Variants in LARGE1 observed in about 807,000 individuals in gnomAD.
LARGE1 encodes LARGE xylosyl- and glucuronyltransferase 1, also known as xylosyl- and glucuronyltransferase LARGE1.
A neutral mutation model predicts 87.6 loss-of-function variants in LARGE1; 43 were observed. The ratio of observed to expected loss-of-function variants is 0.49; its 90% CI spans 0.38 to 0.63. The LOEUF (loss-of-function observed/expected upper bound fraction) is 0.63, where lower values mean the gene tolerates loss of function less well. LARGE1 is among the 30% of genes least tolerant of loss of function. The probability of loss-of-function intolerance (pLI) is 0.00; values close to 1 mark genes in which losing one functional copy is unlikely to be tolerated. For synonymous variants in LARGE1, 434 were observed against 394.6 expected (o/e 1.10, Z -1.18); for missense variants, 802 against 1,000.2 (o/e 0.80, Z 2.67).
intron 6 of LARGE1, among the ~76,000 whole-genome samples, chr22:33,494,288 T>G (rs776647631): frequency 1.3e-5 from 2 of 152,160 alleles, no homozygotes; most frequent in African/African-American, 2.4e-5. Flanking sequence ...TCAGTTTCCC[T>G]ACCCATAAAA....
the LARGE1 span, among the ~76,000 whole-genome samples, chr22:33,073,212 T>C: frequency 2.0e-5 from 3 of 152,236 alleles, no homozygotes; most frequent in Non-Finnish European, 4.4e-5. Context: ...TCCTAAAGTT[T>C]AAATAAACTT....
At chr22:33,503,494 A>G (rs764939133) in intron 6 of LARGE1, among the ~76,000 whole-genome samples, 5 of 152,100 alleles carry the variant, frequency 3.3e-5, no homozygotes, top group Non-Finnish European at 7.4e-5. Flanking sequence ...ATGAAAACAC[A>G]CATCCATGCA....
chr22:33,620,948 T>C (rs1377549120), intron 4 of LARGE1, among the ~76,000 whole-genome samples: 3 of 152,126 alleles, frequency 2.0e-5, no homozygotes, highest in Non-Finnish European at 4.4e-5. Flanking sequence ...AGATTACCTT[T>C]ATTTCTACCA....
At chr22:33,884,869 T>A (rs2068503033) in intron 1 of LARGE1, among the ~76,000 whole-genome samples, 1 of 152,200 alleles carries the variant, frequency 6.6e-6, no homozygotes, top group Admixed American at 6.5e-5. Context: ...TCTGAGATGC[T>A]GCCAAGCACA....
intron 1 of LARGE1, among the ~76,000 whole-genome samples, chr22:33,850,317 T>C (rs2063551107): frequency 6.6e-6 from 1 of 152,130 alleles, no homozygotes; most frequent in Non-Finnish European, 1.5e-5. Flanking sequence ...TCTCATATCC[T>C]AGGATTATCT....
intron 2 of LARGE1, among the ~76,000 whole-genome samples, chr22:33,684,798 AG>A (rs965377533): frequency 6.6e-6 from 1 of 152,182 alleles, no homozygotes; most frequent in Non-Finnish European, 1.5e-5. Flanking sequence ...TCCATCAAAA[AG>A]GGGGTGTGTG....
At chr22:33,558,368 G>A (rs1485701304) in intron 6 of LARGE1, among the ~76,000 whole-genome samples, 2 of 152,132 alleles carry the variant, frequency 1.3e-5, no homozygotes, top group African/African-American at 2.4e-5. Context: ...AGGGGCCAAT[G>A]GGACAACACC....
At chr22:33,214,324 G>A (rs1016091787) in intron 11 of LARGE1, among the ~76,000 whole-genome samples, 1 of 151,802 alleles carries the variant, frequency 6.6e-6, no homozygotes, top group African/African-American at 2.4e-5. Context: ...TTCTTATAAG[G>A]ACACAAGTAA....
chr22:33,098,624 AAAAT>A, the LARGE1 span, among the ~76,000 whole-genome samples: 1 of 152,208 alleles, frequency 6.6e-6, no homozygotes. Flanking sequence ...CCGTCTCAAA[AAAAT>A]AAATAAATAA....
chr22:33,491,237 CGA>C, intron 6 of LARGE1, among the ~76,000 whole-genome samples: 1 of 152,074 alleles, frequency 6.6e-6, no homozygotes, highest in Non-Finnish European at 1.5e-5. Flanking sequence ...TTTAAAAGCT[CGA>C]GGGCACTAAA....
chr22:33,394,892 C>T (rs1183427863), intron 7 of LARGE1, among the ~76,000 whole-genome samples: 1 of 152,068 alleles, frequency 6.6e-6, no homozygotes, highest in Non-Finnish European at 1.5e-5. Context: ...CATAAGCAGA[C>T]TGCCTCTGTG....
chr22:33,616,834 G>C (rs2079595548), intron 4 of LARGE1, among the ~76,000 whole-genome samples: 1 of 152,188 alleles, frequency 6.6e-6, no homozygotes, highest in Admixed American at 6.5e-5. Flanking sequence ...GAGTAGTATT[G>C]GGGCTGGGGA....
intron 1 of LARGE1, among the ~76,000 whole-genome samples, chr22:33,815,887 G>C (rs1448167505): frequency 6.6e-6 from 1 of 152,182 alleles, no homozygotes; most frequent in African/African-American, 2.4e-5. Context: ...TGCCGTGGAA[G>C]TAAGAGATTC....
chr22:33,544,026 C>A (rs570988943), intron 6 of LARGE1, among the ~76,000 whole-genome samples: 3 of 152,316 alleles, frequency 2.0e-5, no homozygotes, highest in South Asian at 2.1e-4. Flanking sequence ...ATAACCAGCC[C>A]CCAATAAAAA....
chr22:33,097,098 T>G, the LARGE1 span, among the ~76,000 whole-genome samples: 1 of 152,230 alleles, frequency 6.6e-6, no homozygotes, highest in Non-Finnish European at 1.5e-5. Flanking sequence ...GGGGTTTTTA[T>G]GCTCCTCACC....
chr22:33,262,024 C>T (rs763306042), intron 11 of LARGE1, among the ~76,000 whole-genome samples: 14 of 152,184 alleles, frequency 9.2e-5, no homozygotes, highest in Non-Finnish European at 1.9e-4. Flanking sequence ...CTCTAGCAAA[C>T]GATGCCATGT....
At chr22:33,332,049 G>A (rs2283889) in intron 10 of LARGE1, among the ~76,000 whole-genome samples, 23,746 of 151,974 alleles carry the variant, frequency 0.16, 3,586 homozygotes, top group African/African-American at 0.4. Context: ...CAAGAGCCGA[G>A]CTTTAATCTG....
At chr22:33,092,152 C>G in the LARGE1 span, among the ~76,000 whole-genome samples, 1 of 152,208 alleles carries the variant, frequency 6.6e-6, no homozygotes, top group African/African-American at 2.4e-5. Context: ...CCTGCCTCAG[C>G]CTCCCAAAGT....
intron 5 of LARGE1, among the ~76,000 whole-genome samples, chr22:33,570,764 G>A (rs1242677477): frequency 2.0e-5 from 3 of 152,114 alleles, no homozygotes; most frequent in South Asian, 2.1e-4. Flanking sequence ...GAGGAAAAGT[G>A]CGTGGGAGTG....
Sources: allele counts gnomAD v4.1 joint callset (sites outside exome capture counted in the v4.1 genomes callset), GRCh38; gene constraint gnomAD v4.1.1; transcripts MANE v1.5; gene names NCBI Gene and HGNC (gene_info 2026-07-23, HGNC 2026-07-21).